FIRRM: variants seen among roughly 807,000 people sequenced by gnomAD.
FIRRM encodes the protein FIGNL1 interacting regulator of recombination and mitosis.
the FIRRM span, chr1:169,795,072 C>G: frequency 9.3e-6 from 14 of 1,508,958 alleles, no homozygotes; most frequent in African/African-American, 1.4e-5. Flanking sequence ...TTTGGCGGGT[C>G]TGGTTTGAAG....
chr1:169,850,980 C>CTTTTTTTTTTTTTT, the FIRRM span: 5 of 31,578 alleles, frequency 1.6e-4, no homozygotes, highest in South Asian at 2.6e-3. Flanking sequence ...TTAGGCATGG[C>CTTTTTTTTTTTTTT]TTTTTTTTTT....
At chr1:169,802,337 G>A in the FIRRM span, among the ~76,000 whole-genome samples, 1 of 152,056 alleles carries the variant, frequency 6.6e-6, no homozygotes. Flanking sequence ...TCTAAAACAT[G>A]AACTTTGAGT....
chr1:169,825,099 C>T, the FIRRM span, among the ~76,000 whole-genome samples: 93 of 152,322 alleles, frequency 6.1e-4, no homozygotes, highest in Middle Eastern at 3.4e-3. Context: ...CACACGCACA[C>T]GTACACGCAC....
chr1:169,800,582 G>A, the FIRRM span, among the ~76,000 whole-genome samples: 2 of 151,910 alleles, frequency 1.3e-5, no homozygotes, highest in African/African-American at 4.8e-5. Flanking sequence ...GAAACTTTTT[G>A]TTTAACTACA....
At chr1:169,849,632 G>T in the FIRRM span, 1 of 1,500,736 alleles carries the variant, frequency 6.7e-7, no homozygotes, top group South Asian at 1.1e-5. Context: ...TTATCACAGT[G>T]ACTTTCAAAC....
chr1:169,852,630 A>T, the FIRRM span: 1 of 684,944 alleles, frequency 1.5e-6, no homozygotes, highest in Non-Finnish European at 2.4e-6. Flanking sequence ...GCCTTTACAT[A>T]TTTTTCTAGA....
chr1:169,828,922 C>T, the FIRRM span, among the ~76,000 whole-genome samples: 2 of 152,300 alleles, frequency 1.3e-5, no homozygotes, highest in Non-Finnish European at 2.9e-5. Flanking sequence ...AATGACTCCT[C>T]GTCTGCTACT....
At chr1:169,797,511 G>T in the FIRRM span, among the ~76,000 whole-genome samples, 3 of 152,218 alleles carry the variant, frequency 2.0e-5, no homozygotes, top group East Asian at 5.8e-4. Flanking sequence ...TTCGGAAGAG[G>T]AATGAATTCT....
At chr1:169,852,319 G>A in the FIRRM span, 3 of 298,846 alleles carry the variant, frequency 1.0e-5, no homozygotes, top group Admixed American at 1.5e-4. Context: ...AGTAACTGAA[G>A]ATCACATCTA....
chr1:169,830,632 A>G, the FIRRM span: 3 of 1,483,648 alleles, frequency 2.0e-6, no homozygotes, highest in East Asian at 2.3e-5. Context: ...GCTTTATGCA[A>G]GTTCATCTCC....
At chr1:169,811,778 T>G in the FIRRM span, among the ~76,000 whole-genome samples, 1 of 151,396 alleles carries the variant, frequency 6.6e-6, no homozygotes, top group Non-Finnish European at 1.5e-5. Flanking sequence ...ATTATCTAAA[T>G]AGATAATAGA....
chr1:169,837,065 A>T, the FIRRM span: 1 of 1,607,336 alleles, frequency 6.2e-7, no homozygotes, highest in East Asian at 2.2e-5. Context: ...TGCAGAATGC[A>T]GGAAATGGCT....
the FIRRM span, chr1:169,852,366 T>C: frequency 3.7e-6 from 1 of 269,548 alleles, no homozygotes; most frequent in Non-Finnish European, 7.1e-6. Context: ...AATAAGGATA[T>C]TCAAAATATT....
the FIRRM span, chr1:169,849,679 A>C: frequency 8.4e-7 from 1 of 1,184,294 alleles, no homozygotes; most frequent in Non-Finnish European, 1.2e-6. Context: ...ACAATCCCAA[A>C]ACATTTATTG....
At chr1:169,845,772 C>T in the FIRRM span, among the ~76,000 whole-genome samples, 2 of 152,202 alleles carry the variant, frequency 1.3e-5, no homozygotes, top group Non-Finnish European at 2.9e-5. Flanking sequence ...ACCACATCTG[C>T]AGTTACTTCC....
the FIRRM span, among the ~76,000 whole-genome samples, chr1:169,812,676 G>T: frequency 8.1e-4 from 124 of 152,186 alleles, no homozygotes; most frequent in Admixed American, 1.9e-3. Context: ...GGCCAACATG[G>T]TGAAACCCCG....
the FIRRM span, among the ~76,000 whole-genome samples, chr1:169,786,868 C>A: frequency 6.6e-6 from 1 of 152,104 alleles, no homozygotes; most frequent in Non-Finnish European, 1.5e-5. Flanking sequence ...CCTCTGTAGC[C>A]TTAGGAAGAT....
chr1:169,822,180 G>A, the FIRRM span, among the ~76,000 whole-genome samples: 1 of 152,296 alleles, frequency 6.6e-6, no homozygotes, highest in African/African-American at 2.4e-5. Flanking sequence ...CTTTGCCACT[G>A]GAATACAAAC....
the FIRRM span, chr1:169,804,371 AT>A: frequency 3.7e-6 from 3 of 801,270 alleles, no homozygotes; most frequent in Non-Finnish European, 5.2e-6. Context: ...TACCAAATAA[AT>A]TTTTAATCTT....
Sources: gnomAD v4.1 joint callset for allele counts (sites outside exome capture counted in the v4.1 genomes callset) on GRCh38, gnomAD v4.1.1 for gene constraint, MANE v1.5 for transcripts, NCBI Gene and HGNC (gene_info 2026-07-23, HGNC 2026-07-21) for gene names.